Variants in MCHR2 observed in about 807,000 individuals in gnomAD.
MCHR2 encodes the protein melanin concentrating hormone receptor 2.
Under a neutral mutation model 24.8 loss-of-function variants are expected in MCHR2, and 15 were observed. The observed-to-expected ratio is 0.60, with a 90% CI of 0.40 to 0.93. MCHR2 has a LOEUF of 0.93. Ranked by LOEUF, MCHR2 falls within the 40% of genes least tolerant of loss-of-function variation. MCHR2 has a pLI of 0.00. For missense variants in MCHR2, 386 were observed against 408.7 expected (o/e 0.94, Z 0.48); for synonymous variants, 151 against 147.6 (o/e 1.02, Z -0.17).
At chr6:99,923,048 G>A (rs1774271916) in intron 5 of MCHR2, among the ~76,000 whole-genome samples, 1 of 151,884 alleles carries the variant, frequency 6.6e-6, no homozygotes, top group African/African-American at 2.4e-5. Flanking sequence ...CCATTTTTTG[G>A]TGTCCTCTTC....
At chr6:99,975,296 G>A (rs1472286671) in intron 1 of MCHR2, among the ~76,000 whole-genome samples, 1 of 152,134 alleles carries the variant, frequency 6.6e-6, no homozygotes, top group Non-Finnish European at 1.5e-5. Flanking sequence ...CCCCAGTCTC[G>A]CTGCCGCCTT....
At chr6:99,931,823 G>A (rs190287924) in intron 5 of MCHR2, among the ~76,000 whole-genome samples, 42 of 152,250 alleles carry the variant, frequency 2.8e-4, no homozygotes, top group Admixed American at 1.8e-3. Flanking sequence ...GCTTTGGTTC[G>A]CTCACGGTGC....
chr6:99,974,723 T>C (rs1029775136), intron 1 of MCHR2, among the ~76,000 whole-genome samples: 1 of 152,334 alleles, frequency 6.6e-6, no homozygotes, highest in Middle Eastern at 3.4e-3. Context: ...GATGGTGACA[T>C]ACAGAAGGGT....
At chr6:99,938,426 A>G (rs1388627591) in intron 4 of MCHR2, among the ~76,000 whole-genome samples, 1 of 152,008 alleles carries the variant, frequency 6.6e-6, no homozygotes, top group Non-Finnish European at 1.5e-5. Context: ...AAATGTTTAA[A>G]TTTCTTTCTT....
At chr6:99,950,393 T>C (rs1193867676) in intron 2 of MCHR2, among the ~76,000 whole-genome samples, 1 of 152,158 alleles carries the variant, frequency 6.6e-6, no homozygotes, top group Non-Finnish European at 1.5e-5. Context: ...TTCATGGAAT[T>C]TATATTTCTT....
Position 99,956,085 on chromosome 6 carries a change from A to G in MCHR2, c.63T>C (p.Asn21=), listed in dbSNP as rs759743378. 1 of 1,613,444 alleles carries G rather than the reference A, an allele frequency of 6.2e-7. No individual in the cohort carries two copies. The highest frequency in any genetic ancestry group is 1.7e-5 in the Admixed American group (1 of 59,924). The part of the protein sequence containing the change: ...TSAELLNKSW[N]KEFAYQTASV... ...TGGCAGTTTGATAAGCAAACTCTTTATTCCAGGATTTGTTTAAAAGTTCGG... is the reference window on the plus strand; with the variant it reads ...TGGCAGTTTGATAAGCAAACTCTTTGTTCCAGGATTTGTTTAAAAGTTCGG... Residue 21 remains asparagine, a synonymous_variant, in exon 2 of 6, where the codon AAT becomes AAC. Coordinates refer to ENST00000281806, the MANE Select transcript of MCHR2 (RefSeq NM_001040179.2).
At chr6:99,955,799 C>A (rs1404289155) in intron 2 of MCHR2, among the ~76,000 whole-genome samples, 167 bp downstream of exon 2, 1 of 152,082 alleles carries the variant, frequency 6.6e-6, no homozygotes, top group East Asian at 1.9e-4. Context: ...TTACCTAATG[C>A]ATGACGAAAA....
chr6:99,942,510 C>T (rs1325974036), intron 4 of MCHR2, among the ~76,000 whole-genome samples: 2 of 152,176 alleles, frequency 1.3e-5, no homozygotes, highest in African/African-American at 2.4e-5. Context: ...TGAAAAAACC[C>T]TATTTCCAAA....
At chr6:99,955,903 G>A in intron 2 of MCHR2, 63 bp downstream of exon 2, 1 of 1,321,968 alleles carries the variant, frequency 7.6e-7, no homozygotes, top group Non-Finnish European at 1.0e-6. Flanking sequence ...CTCATTTAGG[G>A]AGCTTTGACT....
chr6:99,970,365 G>C lies in MCHR2; in HGVS notation c.-27-14191C>G, dbSNP rs957489253. ...TGGCTGCATAAATATCTTCTTTTGA[G>C]AAGTGTCTGTTCATATCCTTTGCCC... On this transcript the variant is annotated intron_variant, in intron 1 of 5. Coordinates refer to ENST00000281806, the MANE Select transcript of MCHR2 (RefSeq NM_001040179.2). 6.6e-5 allele frequency among the ~76,000 whole-genome samples: 10 copies of C among 152,276 alleles called. No homozygotes were observed. The Middle Eastern group carries it at 0.014, about 207-fold the overall frequency.
chr6:99,957,515 A>T (rs1411030415), intron 1 of MCHR2, among the ~76,000 whole-genome samples: 1 of 152,088 alleles, frequency 6.6e-6, no homozygotes, highest in African/African-American at 2.4e-5. Context: ...CTTTCAAAAC[A>T]TGAAAGAATG....
intron 2 of MCHR2, among the ~76,000 whole-genome samples, 168 bp downstream of exon 2, chr6:99,955,798 G>A (rs1170227555): frequency 6.6e-6 from 1 of 152,068 alleles, no homozygotes; most frequent in East Asian, 1.9e-4. Flanking sequence ...GTTACCTAAT[G>A]CATGACGAAA....
chr6:99,922,354 G>T (rs982787348), intron 5 of MCHR2, among the ~76,000 whole-genome samples: 2 of 151,970 alleles, frequency 1.3e-5, no homozygotes, highest in South Asian at 2.1e-4. Context: ...CGATCCGCCC[G>T]CCTCGGCCAT....
intron 5 of MCHR2, among the ~76,000 whole-genome samples, chr6:99,927,349 A>G (rs1459690001): frequency 1.3e-5 from 2 of 152,052 alleles, no homozygotes; most frequent in Admixed American, 1.3e-4. Flanking sequence ...GAACTTTAAA[A>G]TAGTTTTTTC....
At chr6:99,981,356 G>A (rs1362137032) in intron 1 of MCHR2, among the ~76,000 whole-genome samples, 1 of 152,196 alleles carries the variant, frequency 6.6e-6, no homozygotes, top group East Asian at 1.9e-4. Flanking sequence ...GCACAAAGAA[G>A]AGGGTGGCCA....
rs1774211375 is a variant in MCHR2, at chr6:99,920,924, T to C, written c.*16A>G. On this transcript the variant is annotated 3_prime_UTR_variant, in exon 6 of 6. Coordinates refer to ENST00000281806, the MANE Select transcript of MCHR2 (RefSeq NM_001040179.2). ...TAGACAATCATGTCTAGACTCATGG[T>C]GATCCATGTACTTTCCTAAAAGTGT... is the stretch of plus-strand genomic sequence containing the variant. 8 of 1,608,472 alleles carry C rather than the reference T, an allele frequency of 5.0e-6. No individual in the cohort carries two copies. Among genetic ancestry groups the C allele is most frequent in the East Asian group, 2.2e-5 (1 of 44,858 alleles).
intron 3 of MCHR2, among the ~76,000 whole-genome samples, chr6:99,943,398 A>T (rs559055921): frequency 1.3e-5 from 2 of 151,120 alleles, no homozygotes; most frequent in Non-Finnish European, 3.0e-5. Context: ...GGTTAGTTAC[A>T]TATGTATACA....
chr6:99,928,253 G>A (rs1392822859), intron 5 of MCHR2, among the ~76,000 whole-genome samples: 4 of 152,114 alleles, frequency 2.6e-5, no homozygotes, highest in African/African-American at 9.7e-5. Flanking sequence ...ATTTTATTGA[G>A]GATTTTTGCA....
intron 2 of MCHR2, among the ~76,000 whole-genome samples, chr6:99,955,178 TG>T: frequency 6.6e-6 from 1 of 152,308 alleles, no homozygotes; most frequent in South Asian, 2.1e-4. Context: ...AAAACTTACA[TG>T]TGAAAATAAT....
Sources: allele counts gnomAD v4.1 joint callset (sites outside exome capture counted in the v4.1 genomes callset), GRCh38; gene constraint gnomAD v4.1.1; transcripts MANE v1.5; gene names NCBI Gene and HGNC (gene_info 2026-07-23, HGNC 2026-07-21).